IQCK: variants seen among roughly 807,000 people sequenced by gnomAD.
IQCK encodes the protein IQ motif containing K.
In IQCK, 29 loss-of-function variants were observed where a neutral mutation model predicts 28.1. The ratio of observed to expected loss-of-function variants is 1.03; its 90% CI spans 0.77 to 1.41. The LOEUF (loss-of-function observed/expected upper bound fraction) is 1.41. IQCK is among the 40% of genes most tolerant of loss of function. The pLI is 0.00. For synonymous variants in IQCK, 113 were observed against 115.1 expected, an observed-to-expected ratio of 0.98 and a Z score of 0.12; for missense variants, 359 against 314.7, an observed-to-expected ratio of 1.14 and a Z score of -1.07.
intron 6 of IQCK, among the ~76,000 whole-genome samples, chr16:19,770,201 A>C (rs1362452370): frequency 6.6e-6 from 1 of 152,168 alleles, no homozygotes; most frequent in Non-Finnish European, 1.5e-5. Context: ...GGTAGCCCAG[A>C]GTTGATTCCA....
chr16:19,806,947 G>C (rs1458391533), intron 7 of IQCK, among the ~76,000 whole-genome samples: 4 of 152,154 alleles, frequency 2.6e-5, no homozygotes, highest in Non-Finnish European at 5.9e-5. Flanking sequence ...CCACCCCCTG[G>C]GATTCCCATT....
intron 9 of IQCK, among the ~76,000 whole-genome samples, chr16:19,842,650 CTT>C (rs2056374762): frequency 6.6e-6 from 1 of 152,330 alleles, no homozygotes; most frequent in East Asian, 1.9e-4. Context: ...TCTTCCCTGA[CTT>C]TCCCTTTGTG....
chr16:19,824,550 A>G (rs1567195343), intron 7 of IQCK, among the ~76,000 whole-genome samples: 1 of 152,216 alleles, frequency 6.6e-6, no homozygotes, highest in African/African-American at 2.4e-5. Context: ...GCCCTATTTA[A>G]TAGTTAGAGA....
Position 19,728,326 on chromosome 16 carries a change from G to A in IQCK, c.182-2104G>A, listed in dbSNP as rs527704449. Among the ~76,000 whole-genome samples, 219 of 152,190 alleles carry A rather than the reference G, an allele frequency of 1.4e-3. 2 individuals carry two copies. The highest frequency in any genetic ancestry group is 5.1e-3 in the African/African-American group (212 of 41,516). ...TGCAATGGTGAGATCTTGGTTCACTGCAACCTCCACCTCCCTGGTTCAAAT... is the reference window on the plus strand; with the variant it reads ...TGCAATGGTGAGATCTTGGTTCACTACAACCTCCACCTCCCTGGTTCAAAT... On this transcript the variant is annotated intron_variant, in intron 1 of 7. Transcript: ENST00000564186.
chr16:19,743,084 T>G (rs185789246), intron 4 of IQCK, among the ~76,000 whole-genome samples: 9 of 152,232 alleles, frequency 5.9e-5, no homozygotes, highest in South Asian at 4.1e-4. Context: ...GGCAGGAGAA[T>G]CGCTTGAACC....
intron 4 of IQCK, among the ~76,000 whole-genome samples, chr16:19,754,712 A>T (rs6497401): frequency 0.32 from 47,943 of 151,978 alleles, 11,160 homozygotes; most frequent in African/African-American, 0.66. Context: ...TATAATTAAA[A>T]ACCTGAATAT....
chr16:19,791,266 TG>T (rs1419382078), intron 7 of IQCK, among the ~76,000 whole-genome samples: 1 of 50,836 alleles, frequency 2.0e-5, no homozygotes, highest in Non-Finnish European at 2.9e-5. Context: ...AAAAACTAGC[TG>T]GGCATGGTGG....
chr16:19,722,468 T>G (rs1433722125), intron 1 of IQCK, among the ~76,000 whole-genome samples: 1 of 152,198 alleles, frequency 6.6e-6, no homozygotes, highest in Non-Finnish European at 1.5e-5. Flanking sequence ...ACCATGACCC[T>G]ATATCCTCTT....
At chr16:19,844,061 T>A (rs1338898058) in intron 9 of IQCK, among the ~76,000 whole-genome samples, 6 of 152,050 alleles carry the variant, frequency 3.9e-5, no homozygotes, top group Admixed American at 3.3e-4. Flanking sequence ...TGTACAAGGT[T>A]TTGTGTACTC....
intron 7 of IQCK, among the ~76,000 whole-genome samples, chr16:19,822,039 A>G (rs114633799): frequency 0.015 from 2,110 of 145,198 alleles, 54 homozygotes; most frequent in African/African-American, 0.049. Context: ...CTGCACTACA[A>G]TCTGGGCGAC....
At position 19,748,391 on chromosome 16, in the gene IQCK, A is replaced by G. The variant is rs2054942530; in HGVS notation, c.474+12941A>G. 1.3e-5 allele frequency among the ~76,000 whole-genome samples: 2 copies of G among 152,108 alleles called. 1 individual carries two copies. Among genetic ancestry groups the G allele is most frequent in the South Asian group, 4.2e-4 (2 of 4,806 alleles). ...AACCCAGCTAAATTCTTATCCTTCC[A>G]TTTACTAGTAAGTGACTTTGGGCAA... On this transcript the variant is annotated intron_variant, in intron 4 of 7. Coordinates refer to ENST00000564186, the Ensembl canonical transcript of IQCK.
chr16:19,829,227 A>C (rs553644010), downstream of IQCK, among the ~76,000 whole-genome samples: 83 of 151,470 alleles, frequency 5.5e-4, no homozygotes, highest in South Asian at 5.4e-3. Flanking sequence ...TAACCTCCCC[A>C]TCCTACCCTG....
chr16:19,774,398 CTTTTTTTTTTTT>C (rs1167894201), intron 6 of IQCK, among the ~76,000 whole-genome samples: 7,864 of 104,200 alleles, frequency 0.075, 809 homozygotes, highest in African/African-American at 0.27. Context: ...TTAGCTAATA[CTTTTTTTTTTTT>C]TTTTTTTTTT....
intron 4 of IQCK, among the ~76,000 whole-genome samples, chr16:19,759,045 G>A (rs1480266765): frequency 1.3e-5 from 2 of 152,132 alleles, no homozygotes; most frequent in Non-Finnish European, 2.9e-5. Context: ...AAGAGAAATT[G>A]TCTACAATTA....
chr16:19,811,985 A>ATTTTT (rs11290117), intron 7 of IQCK, among the ~76,000 whole-genome samples: 3 of 131,120 alleles, frequency 2.3e-5, no homozygotes, highest in Non-Finnish European at 1.6e-5. Flanking sequence ...AATAGCCTTA[A>ATTTTT]TTTTTTTTTT....
chr16:19,777,874 A>C (rs1357424834), intron 6 of IQCK, among the ~76,000 whole-genome samples: 2 of 152,072 alleles, frequency 1.3e-5, no homozygotes, highest in African/African-American at 4.8e-5. Context: ...AACGTGGTGA[A>C]ACCCCATCTC....
intron 3 of IQCK, among the ~76,000 whole-genome samples, chr16:19,734,615 C>T (rs375255022): frequency 6.8e-6 from 1 of 147,990 alleles, no homozygotes; most frequent in African/African-American, 2.5e-5. Context: ...GGTGACAGAG[C>T]GAGAAAAAAA....
chr16:19,771,702 A>G lies in IQCK; in HGVS notation c.605+7590A>G, dbSNP rs576499345. Reference sequence around the variant, plus strand: ...TTCAGATGCTTTTCTATGTATCTCCATATGTATATAGATATAAAAAAATGT... The same window carrying G: ...TTCAGATGCTTTTCTATGTATCTCCGTATGTATATAGATATAAAAAAATGT... On this transcript the variant is annotated intron_variant, in intron 6 of 7. Transcript: ENST00000564186. 4.6e-5 allele frequency among the ~76,000 whole-genome samples: 7 copies of G among 152,312 alleles called. No homozygotes were observed. In the South Asian group the frequency reaches 8.3e-4, roughly 18 times the overall value.
intron 4 of IQCK, among the ~76,000 whole-genome samples, chr16:19,743,789 G>A (rs2054869070): frequency 6.6e-6 from 1 of 152,206 alleles, no homozygotes; most frequent in Non-Finnish European, 1.5e-5. Flanking sequence ...ATGAAAGATG[G>A]GTCTGGAGGC....
Sources: allele counts gnomAD v4.1 joint callset (sites outside exome capture counted in the v4.1 genomes callset), GRCh38; gene constraint gnomAD v4.1.1; transcripts MANE v1.5; gene names NCBI Gene and HGNC (gene_info 2026-07-23, HGNC 2026-07-21).